OTOA: variants seen among roughly 807,000 people sequenced by gnomAD.
OTOA encodes the protein cancer/testis antigen 108.
Under a neutral mutation model 110.8 loss-of-function variants are expected in OTOA, and 70 were observed. The ratio of observed to expected loss-of-function variants is 0.63; its 90% CI spans 0.52 to 0.77. The LOEUF (loss-of-function observed/expected upper bound fraction) is 0.77, where lower values mean the gene tolerates loss of function less well. Ranked by LOEUF, OTOA falls within the 30% of genes least tolerant of loss-of-function variation. OTOA has a pLI of 0.00. For synonymous variants in OTOA, 373 were observed against 431.5 expected (o/e 0.86, Z 1.68); for missense variants, 917 against 1,075.8 (o/e 0.85, Z 2.06).
chr16:21,699,110 C>T (rs1898000533), intron 10 of OTOA, among the ~76,000 whole-genome samples: 1 of 152,084 alleles, frequency 6.6e-6, no homozygotes, highest in African/African-American at 2.4e-5. Flanking sequence ...GCCACCATGC[C>T]TGGCTAATTT....
intron 18 of OTOA, 149 bp downstream of exon 18, chr16:21,723,127 G>T: frequency 1.3e-6 from 1 of 781,604 alleles, no homozygotes. Flanking sequence ...TTGAGATCCA[G>T]GATTTCAATT....
chr16:21,675,666 T>A (rs1966856392), intron 1 of OTOA, among the ~76,000 whole-genome samples: 1 of 152,146 alleles, frequency 6.6e-6, no homozygotes, highest in South Asian at 2.1e-4. Context: ...CTCTATCCCG[T>A]GTATTTTCCA....
intron 12 of OTOA, among the ~76,000 whole-genome samples, chr16:21,705,635 C>A (rs1243245790): frequency 6.6e-6 from 1 of 151,678 alleles, no homozygotes; most frequent in Non-Finnish European, 1.5e-5. Context: ...CATCATGAGA[C>A]CCTTGTCTCT....
intron 13 of OTOA, among the ~76,000 whole-genome samples, chr16:21,714,716 T>G (rs1213870673): frequency 1.3e-5 from 2 of 152,066 alleles, no homozygotes; most frequent in Non-Finnish European, 2.9e-5. Flanking sequence ...TGCACCATGT[T>G]GGCCAGGTGG....
intron 7 of OTOA, among the ~76,000 whole-genome samples, chr16:21,685,898 A>G (rs1048393729): frequency 6.6e-6 from 1 of 152,132 alleles, no homozygotes; most frequent in Non-Finnish European, 1.5e-5. Context: ...GGTCCTAATT[A>G]AGGATCTGAG....
At chr16:21,714,498 CTCTTTCTTTCTT>C (rs3054131) in intron 13 of OTOA, among the ~76,000 whole-genome samples, 2 of 120,754 alleles carry the variant, frequency 1.7e-5, no homozygotes, top group Non-Finnish European at 1.7e-5. Flanking sequence ...CTCTCTCTCT[CTCTTTCTTTCTT>C]TCTTTCTTTC....
intron 17 of OTOA, among the ~76,000 whole-genome samples, chr16:21,722,127 T>TG (rs1898767147): frequency 4.1e-5 from 6 of 145,614 alleles, no homozygotes; most frequent in South Asian, 2.2e-4. Flanking sequence ...CCGTGCATGG[T>TG]GGGGGGTGCC....
At chr16:21,707,816 G>C (rs1898237568) in intron 12 of OTOA, among the ~76,000 whole-genome samples, 1 of 108,994 alleles carries the variant, frequency 9.2e-6, no homozygotes, top group Non-Finnish European at 1.7e-5. Flanking sequence ...CTCCTTTCTT[G>C]ATGGAGTGTC....
chr16:21,728,971 T>C (rs1458904791), intron 20 of OTOA, among the ~76,000 whole-genome samples: 2 of 152,050 alleles, frequency 1.3e-5, no homozygotes, highest in African/African-American at 4.8e-5. Context: ...GCTTGGCATA[T>C]GAAGGGGAAA....
chr16:21,720,920 T>TATTATC (rs1245760194), intron 17 of OTOA, among the ~76,000 whole-genome samples: 2 of 149,102 alleles, frequency 1.3e-5, no homozygotes, highest in African/African-American at 2.4e-5. Flanking sequence ...TTATTATTAT[T>TATTATC]ATCATTATTA....
At chr16:21,695,887 ATATATTTT>A (rs1177851905) in intron 9 of OTOA, among the ~76,000 whole-genome samples, 3 of 61,640 alleles carry the variant, frequency 4.9e-5, no homozygotes, top group Non-Finnish European at 8.4e-5. Flanking sequence ...ATATATATAT[ATATATTTT>A]TTTTTTTTTT....
intron 17 of OTOA, among the ~76,000 whole-genome samples, chr16:21,719,834 C>T (rs2141705283): frequency 6.6e-6 from 1 of 152,260 alleles, no homozygotes; most frequent in Middle Eastern, 3.4e-3. Flanking sequence ...CAACACTTTC[C>T]AGGAGTAGCT....
chr16:21,700,747 A>G (rs1476779022), intron 10 of OTOA, 141 bp from the exon 11 acceptor site: 1 of 1,017,894 alleles, frequency 9.8e-7, no homozygotes, highest in Non-Finnish European at 1.5e-6. Context: ...AAAGAAAAGA[A>G]AAAAAGACAT....
At chr16:21,717,378 A>G (rs1055565667) in intron 15 of OTOA, among the ~76,000 whole-genome samples, 12 of 152,214 alleles carry the variant, frequency 7.9e-5, no homozygotes, top group African/African-American at 1.9e-4. Flanking sequence ...GAGTTCCGCA[A>G]TGCAGTGAGT....
chr16:21,723,168 C>A (rs1010378289), intron 18 of OTOA, among the ~76,000 whole-genome samples, 190 bp downstream of exon 18: 1 of 152,164 alleles, frequency 6.6e-6, no homozygotes, highest in African/African-American at 2.4e-5. Context: ...TGAGACAGAC[C>A]TTCTTGCTTT....
intron 6 of OTOA, chr16:21,684,564 A>G: frequency 1.3e-6 from 2 of 1,543,982 alleles, no homozygotes; most frequent in Non-Finnish European, 1.8e-6. Flanking sequence ...CAGGCCATGG[A>G]ATGGGGGAAT....
intron 1 of OTOA, among the ~76,000 whole-genome samples, chr16:21,677,248 C>T (rs1472292075): frequency 6.6e-6 from 1 of 152,120 alleles, no homozygotes; most frequent in African/African-American, 2.4e-5. Context: ...GTATATTTAA[C>T]TCTGTAAGAC....
intron 1 of OTOA, among the ~76,000 whole-genome samples, chr16:21,670,265 C>T (rs1966847300): frequency 6.6e-6 from 1 of 152,030 alleles, no homozygotes; most frequent in Non-Finnish European, 1.5e-5. Flanking sequence ...GGCCCTGATA[C>T]CTCTCCAACC....
chr16:21,759,849 G>A (rs1900112011), intron 28 of OTOA, among the ~76,000 whole-genome samples: 1 of 151,944 alleles, frequency 6.6e-6, no homozygotes, highest in South Asian at 2.1e-4. Context: ...ACAGTGAGCC[G>A]AGATGGCGCC....
Sources: allele counts gnomAD v4.1 joint callset (sites outside exome capture counted in the v4.1 genomes callset), GRCh38; gene constraint gnomAD v4.1.1; transcripts MANE v1.5; gene names NCBI Gene and HGNC (gene_info 2026-07-23, HGNC 2026-07-21).